SCARB2: variants seen among roughly 807,000 people sequenced by gnomAD.
SCARB2 encodes scavenger receptor class B member 2.
A neutral mutation model predicts 58.6 loss-of-function variants in SCARB2; 29 were observed. The ratio of observed to expected loss-of-function variants is 0.49; its 90% CI spans 0.37 to 0.67. SCARB2 has a LOEUF of 0.67. SCARB2 is among the 30% of genes least tolerant of loss of function. SCARB2 has a pLI of 0.00. For synonymous variants in SCARB2, 195 were observed against 210.1 expected, an observed-to-expected ratio of 0.93 and a Z score of 0.62; for missense variants, 488 against 578.5, an observed-to-expected ratio of 0.84 and a Z score of 1.60.
At chr4:76,178,869 ATGAAGAGGGTAAGACTCT>A (rs1448326787) in intron 4 of SCARB2, among the ~76,000 whole-genome samples, 1 of 152,220 alleles carries the variant, frequency 6.6e-6, no homozygotes, top group African/African-American at 2.4e-5. Context: ...ACAGGATTAC[ATGAAGAGGGTAAGACTCT>A]TGAACAGGCA....
chr4:76,168,274 G>GC (rs1732056300), intron 9 of SCARB2, 129 bp downstream of exon 9: 17 of 771,702 alleles, frequency 2.2e-5, no homozygotes, highest in Admixed American at 1.3e-4. Context: ...TGCTGATCAT[G>GC]CCCCATCCCT....
intron 2 of SCARB2, among the ~76,000 whole-genome samples, chr4:76,190,164 A>C (rs1732574753): frequency 1.3e-5 from 2 of 151,866 alleles, no homozygotes. Context: ...ACATGCCACC[A>C]CGCCTGGCTA....
intron 1 of SCARB2, among the ~76,000 whole-genome samples, chr4:76,211,228 G>C (rs747563668): frequency 2.6e-5 from 4 of 152,182 alleles, no homozygotes; most frequent in African/African-American, 4.8e-5. Flanking sequence ...ACAGGGCTTC[G>C]CAAGGGTCTG....
intron 5 of SCARB2, chr4:76,176,139 G>GCACA (rs1732247451): frequency 3.2e-6 from 2 of 620,568 alleles, no homozygotes; most frequent in East Asian, 5.5e-5. Flanking sequence ...GTGGTGGTTT[G>GCACA]AAAAGTATTT....
intron 1 of SCARB2, among the ~76,000 whole-genome samples, chr4:76,227,913 G>T (rs1021462845): frequency 2.6e-5 from 4 of 152,096 alleles, no homozygotes; most frequent in Non-Finnish European, 5.9e-5. Flanking sequence ...TTAAGTTTAC[G>T]TGATTTCTTA....
At position 76,159,496 on chromosome 4, in the gene SCARB2, G is replaced by A. The variant is rs960907283; in HGVS notation, c.*2217C>T. ...CCCAGCACTTTGGGAGGCTGAGGTG[G>A]GCAGATCGCAGGGTCAGGAGATTGA... On this transcript the variant is annotated 3_prime_UTR_variant, in exon 12 of 12. Transcript: ENST00000264896. 1 of 152,244 alleles carries A rather than the reference G, an allele frequency of 6.6e-6. No homozygotes were observed. Among genetic ancestry groups the A allele is most frequent in the South Asian group, 2.1e-4 (1 of 4,818 alleles). 9.4% of individuals were successfully genotyped at this position (152,244 alleles called of 1,614,324 possible). A position where few individuals can be genotyped will look rare whatever the true frequency, so the allele number is the denominator to read the frequency against.
At position 76,181,046 on chromosome 4, in the gene SCARB2, C is replaced by A; in HGVS notation, c.331G>T (p.Ala111Ser). 1 of 1,613,720 alleles carries A rather than the reference C, an allele frequency of 6.2e-7. No homozygotes were observed. Among genetic ancestry groups the A allele is most frequent in the African/African-American group, 1.3e-5 (1 of 75,022 alleles). The stretch of plus-strand genomic sequence containing the variant: ...AAAACATAGGCCTTGTTGCTAACAG[C>A]AGATATTGTTGTTCCATTATCTCCA... ...QFGDNGTTIS[A>S]VSNKAYVFER... Residue 111 changes from alanine to serine, a missense_variant, in exon 3 of 12, where the codon GCT (alanine) becomes TCT (serine). By Grantham distance (99) the Ala-to-Ser change is moderately conservative (BLOSUM62 1). Coordinates refer to ENST00000264896, the MANE Select transcript of SCARB2 (RefSeq NM_005506.4).
At chr4:76,216,392 C>A (rs994564687), upstream of SCARB2, among the ~76,000 whole-genome samples, 4 of 152,182 alleles carry the variant, frequency 2.6e-5, no homozygotes, top group Admixed American at 6.5e-5. Flanking sequence ...ACTTCCACCC[C>A]CTACTCTCTG....
Position 76,213,574 on chromosome 4 carries a change from C to A in SCARB2, c.-31G>T. 1.3e-6 allele frequency: 2 copies of A among 1,578,678 alleles called. No homozygotes were observed. Among genetic ancestry groups the A allele is most frequent in the Non-Finnish European group, 1.7e-6 (2 of 1,153,424 alleles). The stretch of plus-strand genomic sequence containing the variant: ...GCGCCGCTCACGGGCCGGGCCGGGC[C>A]GCACCCGCCAGGGATCCAACTGCAA... On this transcript the variant is annotated 5_prime_UTR_variant, in exon 1 of 12. Coordinates refer to ENST00000264896, the MANE Select transcript of SCARB2 (RefSeq NM_005506.4).
chr4:76,217,686 C>A, upstream of SCARB2: 1 of 629,322 alleles, frequency 1.6e-6, no homozygotes. Context: ...TACCCAATCT[C>A]AGGTATTGTT....
intron 1 of SCARB2, 49 bp downstream of exon 1, chr4:76,213,378 G>A (rs896899138): frequency 1.6e-6 from 2 of 1,256,656 alleles, no homozygotes; most frequent in Non-Finnish European, 2.3e-6. Flanking sequence ...AGGGATGGGA[G>A]GGTGAGCTGG....
Position 76,213,754 on chromosome 4 carries a change from C to T in SCARB2, c.-211G>A. 1 of 455,410 alleles carries T rather than the reference C, an allele frequency of 2.2e-6. No homozygotes were observed. The allele number at this position is 455,410 out of a possible 1,614,324, so 28.2% of individuals were successfully genotyped here. A position where few individuals can be genotyped will look rare whatever the true frequency, so the allele number is the denominator to read the frequency against. On this transcript the variant is annotated 5_prime_UTR_variant, in exon 1 of 12. Coordinates refer to ENST00000264896, the MANE Select transcript of SCARB2 (RefSeq NM_005506.4). ...CCGGGCGGATGGGGCCGCGGAGGGA[C>T]GGGCCCGGACTCGGTTTCGGTTTCC...
In SCARB2 at chr4:76,159,850, G is replaced by C. The variant is rs1578709736; in HGVS notation, c.*1863C>G. ...TATTTAAAATATCCTCCTCACAGAT[G>C]ATTATATCCTGATAATAGGACTAAA... On this transcript the variant is annotated 3_prime_UTR_variant, in exon 12 of 12. Transcript: ENST00000264896. 2 of 152,200 alleles carry C rather than the reference G, an allele frequency of 1.3e-5. No individual in the cohort carries two copies. Among genetic ancestry groups the C allele is most frequent in the African/African-American group, 4.8e-5 (2 of 41,454 alleles). The allele number at this position is 152,200 out of a possible 1,614,324, so 9.4% of individuals were successfully genotyped here. A position where few individuals can be genotyped will look rare whatever the true frequency, so the allele number is the denominator to read the frequency against.
At chr4:76,212,966 G>C (rs1417828797) in intron 1 of SCARB2, among the ~76,000 whole-genome samples, 1 of 152,148 alleles carries the variant, frequency 6.6e-6, no homozygotes, top group East Asian at 1.9e-4. Context: ...AGCCCAAGAG[G>C]GCAAGAACAC....
chr4:76,185,813 TA>T (rs1290618579), intron 2 of SCARB2, among the ~76,000 whole-genome samples: 1 of 152,210 alleles, frequency 6.6e-6, no homozygotes, highest in Non-Finnish European at 1.5e-5. Flanking sequence ...GGATACAAAC[TA>T]GACTGAGATC....
intron 2 of SCARB2, among the ~76,000 whole-genome samples, chr4:76,187,214 T>A (rs1249613100): frequency 6.6e-6 from 1 of 152,154 alleles, no homozygotes; most frequent in African/African-American, 2.4e-5. Context: ...CTTTTAAAGC[T>A]CAGACCTGAT....
At chr4:76,169,299 A>G (rs1732076942) in intron 8 of SCARB2, among the ~76,000 whole-genome samples, 1 of 149,384 alleles carries the variant, frequency 6.7e-6, no homozygotes. Context: ...CTATGAATAC[A>G]GGAGTAAATG....
chr4:76,179,435 A>G (rs1732332203), intron 4 of SCARB2, 82 bp downstream of exon 4: 1 of 983,474 alleles, frequency 1.0e-6, no homozygotes. Flanking sequence ...TTTCTAGAAG[A>G]AACTCAAAGT....
chr4:76,189,474 C>CTGTTGTTGTTGTTGT (rs138885918), intron 2 of SCARB2, among the ~76,000 whole-genome samples: 3,051 of 150,436 alleles, frequency 0.02, 122 homozygotes, highest in African/African-American at 0.071. Context: ...TTTTGTTTGT[C>CTGTTGTTGTTGTTGT]TGTTGTTGTT....
Sources: gnomAD v4.1 joint callset for allele counts (sites outside exome capture counted in the v4.1 genomes callset) on GRCh38, gnomAD v4.1.1 for gene constraint, MANE v1.5 for transcripts, NCBI Gene and HGNC (gene_info 2026-07-23, HGNC 2026-07-21) for gene names.